The following NUMA1 variants were observed in gnomAD, a reference collection of about 807,000 sequenced individuals.
NUMA1 encodes nuclear mitotic apparatus protein 1.
NUMA1 carries 62 observed loss-of-function variants against 237.1 expected under a neutral mutation model. The observed-to-expected ratio is 0.26, with a 90% CI of 0.21 to 0.32. The LOEUF is 0.32. Among genes scored for constraint, NUMA1 ranks in the 10% least tolerant of loss-of-function variants. The pLI, the probability that NUMA1 is intolerant of heterozygous loss-of-function variation, is 1.00. For missense variants in NUMA1, 2,533 were observed against 2,666.5 expected, an observed-to-expected ratio of 0.95 and a Z score of 1.10; for synonymous variants, 1,028 against 1,066.1, an observed-to-expected ratio of 0.96 and a Z score of 0.70.
intron 2 of NUMA1, among the ~76,000 whole-genome samples, chr11:72,054,585 T>C (rs1473984990): frequency 2.0e-5 from 3 of 152,164 alleles, no homozygotes; most frequent in African/African-American, 7.2e-5. Context: ...TCTTTCACGA[T>C]GTTAAGCAAC....
intron 8 of NUMA1, chr11:72,020,983 C>A (rs1938719835): frequency 3.8e-6 from 2 of 528,042 alleles, no homozygotes; most frequent in Non-Finnish European, 6.7e-6. Flanking sequence ...TGTAAATATC[C>A]TACATAACTG....
At chr11:72,005,419 ACCT>A (rs1697753641) in intron 22 of NUMA1, 50 bp from the exon 23 acceptor site, 3 of 1,576,660 alleles carry the variant, frequency 1.9e-6, no homozygotes, top group South Asian at 1.2e-5. Context: ...TCGGCAGGTC[ACCT>A]CCTGGCCCTG....
At chr11:72,009,961 ACCATAACT>A (rs1956035211) in intron 17 of NUMA1, among the ~76,000 whole-genome samples, 1 of 152,208 alleles carries the variant, frequency 6.6e-6, no homozygotes, top group Non-Finnish European at 1.5e-5. Context: ...TCCTGTCCAG[ACCATAACT>A]CCTTAAGAGC....
chr11:72,017,055 T>C (rs1481745633), intron 13 of NUMA1: 1 of 161,458 alleles, frequency 6.2e-6, no homozygotes, highest in African/African-American at 2.4e-5. Flanking sequence ...AGATCTTGGC[T>C]TACTGCAACC....
intron 4 of NUMA1, among the ~76,000 whole-genome samples, chr11:72,028,315 A>G (rs1939836312): frequency 6.6e-6 from 1 of 152,258 alleles, no homozygotes; most frequent in South Asian, 2.1e-4. Flanking sequence ...TTACCTATGA[A>G]CAGGTAGCTA....
At chr11:72,045,637 CCTGA>C (rs1200328668) in intron 2 of NUMA1, among the ~76,000 whole-genome samples, 1 of 152,048 alleles carries the variant, frequency 6.6e-6, no homozygotes, top group Non-Finnish European at 1.5e-5. Context: ...TGCCACCACG[CCTGA>C]CTAATTTTTG....
Position 72,042,533 on chromosome 11 carries a change from G to C in NUMA1, c.-32-6558C>G, listed in dbSNP as rs544318384. On this transcript the variant is annotated intron_variant, in intron 2 of 26. Coordinates refer to ENST00000393695, the MANE Select transcript of NUMA1 (RefSeq NM_006185.4). ...GAAACACACAGGTAGCATTTCCCCA[G>C]ATGGAAACAGAGAGGTGTGGGGAGG... Among the ~76,000 whole-genome samples, 3 of 152,282 alleles carry C rather than the reference G, an allele frequency of 2.0e-5. No homozygotes were observed. In the East Asian group the frequency reaches 5.8e-4, roughly 29 times the overall value.
In NUMA1 at chr11:72,013,330, G is replaced by T; in HGVS notation, c.4173C>A (p.Ala1391=). 6.2e-7 allele frequency: 1 copy of T among 1,606,554 alleles called. No individual in the cohort carries two copies. The highest frequency in any genetic ancestry group is 8.5e-7 in the Non-Finnish European group (1 of 1,179,808). The change falls in exon 15 of 27, where the codon GCC becomes GCA. Residue 1391 remains alanine (A), a synonymous_variant. Transcript: ENST00000393695. The surrounding 1 kb of genome is among the most constrained non-coding windows in gnomAD (Gnocchi z 6.8). ...GCAGCTCTGCCCGCAGTCCCCCAGC[G>T]GCCTGCTTGCTCTGCTCCAGCTCCT... ...HREELEQSKQ[A]AGGLRAELLR...
chr11:72,055,965 TACACACACACACACACAC>T (rs58350314), intron 2 of NUMA1, among the ~76,000 whole-genome samples: 2,460 of 148,206 alleles, frequency 0.017, 72 homozygotes, highest in African/African-American at 0.058. Context: ...AAAATACACA[TACACACACACACACACAC>T]ACACACACAC....
rs1359493767 is a variant in NUMA1, at chr11:72,004,658, C to T, written c.5988G>A (p.Gln1996=). The part of the protein sequence containing the change: ...QRKRVSLEPH[Q]GPGTPESKKA... Reference sequence around the variant, plus strand: ...CGCCTACCTCAGGAGTTCCAGGGCCCTGGTGGGGCTCTAGGGAGACCCGTT... The same window carrying T: ...CGCCTACCTCAGGAGTTCCAGGGCCTTGGTGGGGCTCTAGGGAGACCCGTT... The change falls in exon 24 of 27, where the codon CAG becomes CAA. Residue 1996 remains glutamine (Q), a synonymous_variant. Transcript: ENST00000393695. 12 of 1,612,876 alleles carry T rather than the reference C, an allele frequency of 7.4e-6. No individual in the cohort carries two copies. Among genetic ancestry groups the T allele is most frequent in the Non-Finnish European group, 8.5e-6 (10 of 1,179,920 alleles).
At chr11:72,050,864 T>G (rs1244826702) in intron 2 of NUMA1, 2 of 150,602 alleles carry the variant, frequency 1.3e-5, no homozygotes, top group African/African-American at 4.9e-5. Context: ...GATGTCTAAA[T>G]GGCACCAGAT....
At chr11:72,042,400 A>T (rs1399577170) in intron 2 of NUMA1, among the ~76,000 whole-genome samples, 1 of 152,254 alleles carries the variant, frequency 6.6e-6, no homozygotes, top group Non-Finnish European at 1.5e-5. Context: ...CTTGAAGATT[A>T]ATTTCAAACT....
At chr11:72,011,129 C>A (rs1051292925) in intron 16 of NUMA1, among the ~76,000 whole-genome samples, 42 of 152,342 alleles carry the variant, frequency 2.8e-4, no homozygotes, top group Admixed American at 2.4e-3. Context: ...CAACCCCCGT[C>A]ACCTCCAAAA....
intron 20 of NUMA1, chr11:72,008,307 A>G (rs902039849): frequency 1.9e-5 from 7 of 378,204 alleles, no homozygotes; most frequent in Admixed American, 1.1e-4. Flanking sequence ...AAACCTTTCA[A>G]TTACAGCCAC....
chr11:72,012,196 G>A (rs1019738045), intron 16 of NUMA1: 3 of 557,988 alleles, frequency 5.4e-6, no homozygotes, highest in East Asian at 2.9e-5. Flanking sequence ...TGGAGAGGCC[G>A]ACCTGGGATG....
In NUMA1 at chr11:72,022,408, C is replaced by G. The variant is rs767270782; in HGVS notation, c.303G>C (p.Leu101=). ...AGCTCATGGTAGAGTGGTATAAGAG[C>G]AGCATGGTCATCTAGAAGCCAAACA... ...SELELAKMTM[L]LLYHSTMSSK... is the part of the protein sequence containing the mutation. Residue 101 remains leucine (L), a synonymous_variant, in exon 7 of 27, where the codon CTG becomes CTC. Coordinates refer to ENST00000393695, the MANE Select transcript of NUMA1 (RefSeq NM_006185.4). 1.2e-6 allele frequency: 2 copies of G among 1,612,782 alleles called. No individual in the cohort carries two copies. Among genetic ancestry groups the G allele is most frequent in the Non-Finnish European group, 8.5e-7 (1 of 1,179,188 alleles).
At chr11:72,028,571 G>A (rs1939888435) in intron 4 of NUMA1, among the ~76,000 whole-genome samples, 1 of 151,442 alleles carries the variant, frequency 6.6e-6, no homozygotes, top group African/African-American at 2.4e-5. Context: ...GACGTTCAAA[G>A]GAAATGTGCT....
In NUMA1 at chr11:72,015,010, G is replaced by A; in HGVS notation, c.2493C>T (p.Phe831=). 6.2e-7 allele frequency: 1 copy of A among 1,614,022 alleles called. No homozygotes were observed. The highest frequency in any genetic ancestry group is 8.5e-7 in the Non-Finnish European group (1 of 1,180,018). The change falls in exon 15 of 27, where the codon TTC becomes TTT. Residue 831 remains phenylalanine, a synonymous_variant. Transcript: ENST00000393695. The surrounding 1 kb of genome is among the most constrained non-coding windows in gnomAD (Gnocchi z 4.0). ...CCTTCAAAGTCATCAGCTGTTCCTG[G>A]AACATGGCGCCATACTGTGCCTCCT... ...QQEEAQYGAM[F]QEQLMTLKEE... is the part of the protein sequence containing the mutation.
chr11:72,020,585 A>G (rs950555291), intron 8 of NUMA1: 1 of 152,208 alleles, frequency 6.6e-6, no homozygotes, highest in African/African-American at 2.4e-5. Flanking sequence ...TTTTTAAAAG[A>G]CTGTGGGCCG....
Sources: gnomAD v4.1 joint callset for allele counts (sites outside exome capture counted in the v4.1 genomes callset) on GRCh38, gnomAD v4.1.1 for gene constraint, Gnocchi (gnomAD v3.1) non-coding constraint, MANE v1.5 for transcripts, NCBI Gene and HGNC (gene_info 2026-07-23, HGNC 2026-07-21) for gene names.